Variants in FSHR observed in about 807,000 individuals in gnomAD.
FSHR encodes follicle-stimulating hormone receptor.
FSHR carries 46 observed loss-of-function variants against 52.1 expected under a neutral mutation model. That is an observed-to-expected ratio of 0.88 (90% CI 0.70 to 1.13). FSHR has a LOEUF of 1.13. Ranked by LOEUF, FSHR falls within the 50% of genes most tolerant of loss-of-function variation. The pLI is 0.00. For synonymous variants in FSHR, 399 were observed against 309.6 expected, an observed-to-expected ratio of 1.29 and a Z score of -3.03; for missense variants, 964 against 834.6, an observed-to-expected ratio of 1.16 and a Z score of -1.91.
At chr2:49,067,197 T>C (rs1572700612) in intron 2 of FSHR, among the ~76,000 whole-genome samples, 1 of 152,212 alleles carries the variant, frequency 6.6e-6, no homozygotes, top group East Asian at 1.9e-4. Context: ...AATTTTATAT[T>C]AAAACTAGCA....
chr2:49,021,829 G>GTT (rs1306009434), intron 2 of FSHR, among the ~76,000 whole-genome samples: 19,058 of 88,512 alleles, frequency 0.22, 3,547 homozygotes, highest in Non-Finnish European at 0.26. Context: ...TGGGGTATGT[G>GTT]TTTCTCTCTC....
chr2:49,062,663 T>C (rs1669357709), intron 2 of FSHR, among the ~76,000 whole-genome samples: 1 of 151,990 alleles, frequency 6.6e-6, no homozygotes, highest in Non-Finnish European at 1.5e-5. Flanking sequence ...AAACTACTCA[T>C]CAAAGGATTA....
intron 2 of FSHR, among the ~76,000 whole-genome samples, chr2:49,044,497 G>A (rs1337411927): frequency 6.6e-6 from 1 of 152,180 alleles, no homozygotes; most frequent in Non-Finnish European, 1.5e-5. Flanking sequence ...TCTCAGTCCA[G>A]TGATTAGCTC....
At chr2:49,112,117 G>A (rs1350374131) in intron 1 of FSHR, among the ~76,000 whole-genome samples, 1 of 152,080 alleles carries the variant, frequency 6.6e-6, no homozygotes, top group African/African-American at 2.4e-5. Flanking sequence ...GGTTATGTAT[G>A]TGAACTTCCT....
At chr2:49,112,549 T>C (rs1187511139) in intron 1 of FSHR, among the ~76,000 whole-genome samples, 1 of 152,218 alleles carries the variant, frequency 6.6e-6, no homozygotes, top group Non-Finnish European at 1.5e-5. Flanking sequence ...AACAAAATGC[T>C]AAACCTATAA....
intron 4 of FSHR, 98 bp from the exon 5 acceptor site, chr2:48,990,735 C>T (rs1402828598): frequency 2.4e-6 from 2 of 817,502 alleles, no homozygotes; most frequent in Middle Eastern, 2.3e-4. Flanking sequence ...CAATTTTGAA[C>T]CATCAGAAAA....
chr2:48,970,010 C>T (rs184211645), intron 8 of FSHR, among the ~76,000 whole-genome samples: 218 of 152,200 alleles, frequency 1.4e-3, no homozygotes, highest in African/African-American at 5.0e-3. Context: ...TCCTTGGGGA[C>T]CCTTGGATAT....
intron 1 of FSHR, among the ~76,000 whole-genome samples, chr2:49,101,927 C>G (rs565717846): frequency 6.6e-4 from 101 of 152,186 alleles, no homozygotes; most frequent in African/African-American, 2.1e-3. Context: ...GTGTCTCTTC[C>G]TCTTCTTCTA....
chr2:49,017,357 C>A, intron 4 of FSHR, 132 bp downstream of exon 4: 1 of 665,682 alleles, frequency 1.5e-6, no homozygotes. Flanking sequence ...TATCTCTCCA[C>A]CTCCACTTCT....
chr2:48,993,718 C>G (rs139965935), intron 4 of FSHR, among the ~76,000 whole-genome samples: 2 of 152,244 alleles, frequency 1.3e-5, no homozygotes, highest in East Asian at 1.9e-4. Flanking sequence ...TGCTATTTCC[C>G]CAGTGCGTTT....
intron 1 of FSHR, among the ~76,000 whole-genome samples, chr2:49,128,169 C>T (rs769239357): frequency 6.6e-6 from 1 of 151,946 alleles, no homozygotes; most frequent in Non-Finnish European, 1.5e-5. Context: ...GCATGATCCA[C>T]CGTGCCCAGC....
At chr2:49,120,156 A>C (rs1671758595) in intron 1 of FSHR, among the ~76,000 whole-genome samples, 1 of 152,168 alleles carries the variant, frequency 6.6e-6, no homozygotes, top group African/African-American at 2.4e-5. Flanking sequence ...CTGTAATCTC[A>C]GCTACTCAGG....
intron 1 of FSHR, among the ~76,000 whole-genome samples, chr2:49,121,951 C>T (rs1319871432): frequency 6.6e-6 from 1 of 152,166 alleles, no homozygotes; most frequent in Admixed American, 6.5e-5. Flanking sequence ...AAATTGTCAT[C>T]CAAAGCACTT....
At chr2:49,066,582 G>C (rs1340165557) in intron 2 of FSHR, among the ~76,000 whole-genome samples, 3 of 152,102 alleles carry the variant, frequency 2.0e-5, no homozygotes, top group Non-Finnish European at 2.9e-5. Context: ...CGCTGTGCCA[G>C]TTCAGGATGA....
At chr2:49,071,176 A>G (rs1164197255) in intron 1 of FSHR, among the ~76,000 whole-genome samples, 4 of 152,194 alleles carry the variant, frequency 2.6e-5, no homozygotes, top group Non-Finnish European at 5.9e-5. Context: ...AACATCCAGA[A>G]ATCTTTCATA....
chr2:48,989,106 A>AATTTAGTTT (rs1489029602), intron 5 of FSHR, 52 bp from the exon 6 acceptor site: 1 of 1,457,914 alleles, frequency 6.9e-7, no homozygotes, highest in South Asian at 1.2e-5. Flanking sequence ...TACTCATGTA[A>AATTTAGTTT]CCTTCCAAAA....
chr2:49,065,724 G>C (rs778512224), intron 2 of FSHR, among the ~76,000 whole-genome samples: 12 of 152,128 alleles, frequency 7.9e-5, no homozygotes, highest in Middle Eastern at 3.4e-3. Context: ...GACATTATCT[G>C]ACAACTGGTC....
chr2:49,015,092 A>G (rs2104202765), intron 4 of FSHR: 1 of 304,082 alleles, frequency 3.3e-6, no homozygotes, highest in African/African-American at 2.2e-5. Context: ...TATTAAAGGC[A>G]TAATCTTATT....
At chr2:49,116,647 T>C (rs10195635) in intron 1 of FSHR, among the ~76,000 whole-genome samples, 38 of 152,132 alleles carry the variant, frequency 2.5e-4, no homozygotes, top group African/African-American at 8.2e-4. Flanking sequence ...TTAACCTCCA[T>C]GTATGTAGCC....
Sources: gnomAD v4.1 joint callset for allele counts (sites outside exome capture counted in the v4.1 genomes callset) on GRCh38, gnomAD v4.1.1 for gene constraint, MANE v1.5 for transcripts, NCBI Gene and HGNC (gene_info 2026-07-23, HGNC 2026-07-21) for gene names.